The following PAPPA variants were observed in gnomAD, a reference collection of about 807,000 sequenced individuals.
The protein encoded by PAPPA is pappalysin-1.
Under a neutral mutation model 164.0 loss-of-function variants are expected in PAPPA, and 60 were observed. The observed-to-expected ratio is 0.37, with a 90% CI of 0.30 to 0.45. The LOEUF is 0.45. Ranked by LOEUF, PAPPA falls within the 20% of genes least tolerant of loss-of-function variation. PAPPA has a pLI of 1.00. For missense variants in PAPPA, 1,782 were observed against 2,087.3 expected (o/e 0.85, Z 2.85); for synonymous variants, 875 against 814.1 (o/e 1.07, Z -1.27).
Position 116,207,484 on chromosome 9 carries a change from A to G in PAPPA, c.1507A>G (p.Asn503Asp). Reference protein sequence around the residue: ...RAYLDVNELKNILKLDGSTHL... With the variant: ...RAYLDVNELKDILKLDGSTHL... ...CTACTTGGATGTTAATGAGCTGAAG[A>G]ACATTCTTAAATTGGATGGATCAAC... The change falls in exon 3 of 22, where the codon AAC (asparagine) becomes GAC (aspartate). Residue 503 changes from asparagine (N) to aspartate (D), a missense_variant. Asn to Asp is a conservative substitution (Grantham distance 23). Transcript: ENST00000328252. 6.2e-7 allele frequency: 1 copy of G among 1,612,684 alleles called. No homozygotes were observed. The highest frequency in any genetic ancestry group is 1.1e-5 in the South Asian group (1 of 90,830).
chr9:116,261,683 A>G (rs1845003054), intron 7 of PAPPA, among the ~76,000 whole-genome samples: 2 of 152,172 alleles, frequency 1.3e-5, no homozygotes, highest in Admixed American at 1.3e-4. Context: ...TAATGATTTC[A>G]CAACCTGTAA....
chr9:116,163,718 G>A (rs1009021096), intron 1 of PAPPA, among the ~76,000 whole-genome samples: 1 of 152,140 alleles, frequency 6.6e-6, no homozygotes, highest in African/African-American at 2.4e-5. Flanking sequence ...GCCAAGTGTG[G>A]ACACATTTTC....
chr9:116,169,090 T>C (rs904707557), intron 1 of PAPPA, among the ~76,000 whole-genome samples: 9 of 152,140 alleles, frequency 5.9e-5, no homozygotes, highest in Non-Finnish European at 1.3e-4. Context: ...AGCATAGGCC[T>C]TAGAAAGACC....
intron 1 of PAPPA, among the ~76,000 whole-genome samples, chr9:116,176,044 C>T (rs946196450): frequency 4.6e-5 from 7 of 152,134 alleles, no homozygotes; most frequent in Admixed American, 4.6e-4. Flanking sequence ...ATAGCAGGTG[C>T]TCATCAACAC....
intron 4 of PAPPA, among the ~76,000 whole-genome samples, chr9:116,216,534 C>G (rs566045695): frequency 4.6e-5 from 7 of 152,138 alleles, no homozygotes; most frequent in Non-Finnish European, 8.8e-5. Context: ...ATGAGCTGGC[C>G]ACTCCTGGAG....
At chr9:116,227,808 G>C (rs1220353991) in intron 6 of PAPPA, among the ~76,000 whole-genome samples, 2 of 152,048 alleles carry the variant, frequency 1.3e-5, no homozygotes, top group African/African-American at 4.8e-5. Context: ...AAGTGCCCAA[G>C]GCCACACACC....
chr9:116,350,889 G>T (rs1846272745), intron 15 of PAPPA, among the ~76,000 whole-genome samples: 1 of 152,178 alleles, frequency 6.6e-6, no homozygotes, highest in African/African-American at 2.4e-5. Flanking sequence ...AATATATATA[G>T]TTGTCAGTCT....
At chr9:116,327,579 T>A (rs947951671) in intron 10 of PAPPA, among the ~76,000 whole-genome samples, 1 of 40,020 alleles carries the variant, frequency 2.5e-5, no homozygotes, top group Non-Finnish European at 7.8e-5. Context: ...ATTTGCCTTT[T>A]TGGAAGGTGA....
chr9:116,344,395 C>A, intron 13 of PAPPA, 148 bp from the exon 14 acceptor site: 2 of 671,480 alleles, frequency 3.0e-6, no homozygotes, highest in Non-Finnish European at 5.0e-6. Context: ...CCTCTAGAGT[C>A]ATCTTCACCC....
chr9:116,181,120 G>A (rs929433229), intron 1 of PAPPA, among the ~76,000 whole-genome samples: 20 of 152,198 alleles, frequency 1.3e-4, no homozygotes, highest in African/African-American at 4.8e-4. Flanking sequence ...TTCTGAACTG[G>A]GAACAGGCAT....
In PAPPA at chr9:116,159,455, A is replaced by T. The variant is rs149724481; in HGVS notation, c.415+4868A>T. 4.4e-3 allele frequency among the ~76,000 whole-genome samples: 675 copies of T among 151,794 alleles called. 4 individuals are homozygous for T. Among genetic ancestry groups the T allele is most frequent in the African/African-American group, 0.015 (634 of 41,374 alleles). ...ATAATGTATCTTGGGGAACAATTAG[A>T]CTCCTTCAAATACCTTTCTTTCAAT... is the stretch of plus-strand genomic sequence containing the variant. On this transcript the variant is annotated intron_variant, in intron 1 of 21. Coordinates refer to ENST00000328252, the MANE Select transcript of PAPPA (RefSeq NM_002581.5).
intron 10 of PAPPA, among the ~76,000 whole-genome samples, chr9:116,312,305 T>TG (rs1845730076): frequency 6.9e-6 from 1 of 144,464 alleles, no homozygotes; most frequent in African/African-American, 2.5e-5. Context: ...TTTTTTTTTT[T>TG]GTTATTGTTT....
intron 1 of PAPPA, among the ~76,000 whole-genome samples, chr9:116,177,479 T>C (rs903268874): frequency 7.9e-5 from 12 of 152,214 alleles, no homozygotes; most frequent in Non-Finnish European, 1.8e-4. Flanking sequence ...GTTAAAATGT[T>C]GTACAGATGA....
chr9:116,267,881 CAAAAAAAAAAA>C (rs61670954), intron 8 of PAPPA, among the ~76,000 whole-genome samples: 6 of 57,596 alleles, frequency 1.0e-4, no homozygotes, highest in African/African-American at 3.2e-4. Context: ...GACTCCGTCT[CAAAAAAAAAAA>C]AAAAAAAAAA....
intron 6 of PAPPA, among the ~76,000 whole-genome samples, chr9:116,232,002 C>A (rs560423342): frequency 6.6e-6 from 1 of 152,092 alleles, no homozygotes; most frequent in African/African-American, 2.4e-5. Context: ...GATCTGCCTG[C>A]CTAGGCCTCC....
In PAPPA at chr9:116,235,559, A is replaced by C; in HGVS notation, c.2654A>C (p.Lys885Thr). ...CTCTGTCTACAGTGTAAGCCCCTGA[A>C]GTATAAGGTGGTCCGGGACCCTCCT... is the stretch of plus-strand genomic sequence containing the variant. Reference protein sequence around the residue: ...TPLCLQCKPLKYKVVRDPPLQ... With the variant: ...TPLCLQCKPLTYKVVRDPPLQ... The change falls in exon 7 of 22, where the codon AAG (lysine) becomes ACG (threonine). Residue 885 changes from lysine (K) to threonine (T), a missense_variant. Physicochemically the swap from Lys to Thr is moderately conservative, Grantham distance 78. Transcript: ENST00000328252. The C allele has an allele frequency of 6.2e-7, 1 of 1,613,678 alleles. No homozygotes were observed. Among genetic ancestry groups the C allele is most frequent in the Non-Finnish European group, 8.5e-7 (1 of 1,179,976 alleles).
At chr9:116,268,231 T>C (rs1564204732) in intron 8 of PAPPA, among the ~76,000 whole-genome samples, 1 of 152,208 alleles carries the variant, frequency 6.6e-6, no homozygotes, top group Non-Finnish European at 1.5e-5. Flanking sequence ...TACAATGCTG[T>C]ATGTATTTAA....
intron 9 of PAPPA, among the ~76,000 whole-genome samples, chr9:116,295,376 A>G (rs1023253757): frequency 3.3e-5 from 5 of 151,978 alleles, no homozygotes; most frequent in African/African-American, 9.7e-5. Flanking sequence ...CAACATGGTG[A>G]AACCCCGTTT....
chr9:116,227,304 T>C (rs1844525178), intron 5 of PAPPA, 127 bp from the exon 6 acceptor site: 2 of 967,992 alleles, frequency 2.1e-6, no homozygotes, highest in South Asian at 3.2e-5. Context: ...TTGGCATATG[T>C]AGGCAGGAAA....
Sources: allele counts gnomAD v4.1 joint callset (sites outside exome capture counted in the v4.1 genomes callset), GRCh38; gene constraint gnomAD v4.1.1; transcripts MANE v1.5; gene names NCBI Gene and HGNC (gene_info 2026-07-23, HGNC 2026-07-21).